PAICS: variants seen among roughly 807,000 people sequenced by gnomAD.
PAICS encodes the protein bifunctional phosphoribosylaminoimidazole carboxylase/phosphoribosylaminoimidazole succinocarboxamide synthetase.
In PAICS, 33 loss-of-function variants were observed where a neutral mutation model predicts 53.7. The observed-to-expected ratio is 0.61, with a 90% CI of 0.47 to 0.82. PAICS has a LOEUF of 0.82. PAICS is among the 40% of genes least tolerant of loss of function. The pLI is 0.00. For synonymous variants in PAICS, 141 were observed against 167.2 expected (o/e 0.84, Z 1.21); for missense variants, 394 against 494.1 (o/e 0.80, Z 1.92).
chr4:56,414,711 T>C, the PAICS span, among the ~76,000 whole-genome samples: 2 of 152,196 alleles, frequency 1.3e-5, no homozygotes, highest in African/African-American at 4.8e-5. Flanking sequence ...TGGACGTAAA[T>C]CTGGACTCTA....
chr4:56,443,803 G>C (rs192335998), intron 2 of PAICS, among the ~76,000 whole-genome samples: 3 of 152,282 alleles, frequency 2.0e-5, no homozygotes, highest in Admixed American at 1.3e-4. Flanking sequence ...ATTCTGAAGA[G>C]TCCTGTGATC....
intron 7 of PAICS, 24 bp from the exon 8 acceptor site, chr4:56,453,579 A>C: frequency 6.5e-7 from 1 of 1,546,956 alleles, no homozygotes; most frequent in South Asian, 1.2e-5. Flanking sequence ...GTTTAGCATA[A>C]TTATACTCTT....
At chr4:56,419,622 A>C in the PAICS span, 1 of 964,184 alleles carries the variant, frequency 1.0e-6, no homozygotes, top group Non-Finnish European at 1.2e-6. Context: ...AGGTATCTCT[A>C]CGTCAGTATT....
At chr4:56,444,468 T>C (rs1453878859) in intron 2 of PAICS, among the ~76,000 whole-genome samples, 1 of 152,082 alleles carries the variant, frequency 6.6e-6, no homozygotes, top group Non-Finnish European at 1.5e-5. Context: ...TCTGGACCAA[T>C]CTAAAAGAGG....
chr4:56,440,546 G>T (rs531987176), intron 1 of PAICS, among the ~76,000 whole-genome samples: 7 of 152,172 alleles, frequency 4.6e-5, no homozygotes, highest in African/African-American at 1.7e-4. Context: ...GCTCCAACCA[G>T]ACTGAAGTTC....
the PAICS span, among the ~76,000 whole-genome samples, chr4:56,429,725 C>T: frequency 3.9e-5 from 6 of 152,132 alleles, no homozygotes; most frequent in Non-Finnish European, 8.8e-5. Flanking sequence ...AAAGTAGACA[C>T]ACCAAATCCA....
the PAICS span, among the ~76,000 whole-genome samples, chr4:56,412,923 A>C: frequency 6.6e-6 from 1 of 152,232 alleles, no homozygotes; most frequent in Admixed American, 6.5e-5. Context: ...TTGCATTAAA[A>C]ATAATCTTTA....
chr4:56,455,463 C>T (rs1250211336), intron 8 of PAICS, among the ~76,000 whole-genome samples: 1 of 152,160 alleles, frequency 6.6e-6, no homozygotes, highest in Non-Finnish European at 1.5e-5. Flanking sequence ...TAGGATCCCC[C>T]TTTACCATAA....
At chr4:56,417,765 AAC>A in the PAICS span, among the ~76,000 whole-genome samples, 1 of 152,178 alleles carries the variant, frequency 6.6e-6, no homozygotes, top group East Asian at 1.9e-4. Context: ...CAGCCTGTGC[AAC>A]AGAGTCTACG....
upstream of PAICS, chr4:56,435,736 G>T (rs1403901712): frequency 1.4e-6 from 2 of 1,476,574 alleles, no homozygotes; most frequent in African/African-American, 2.8e-5. Context: ...GGTCACGGAT[G>T]CTGTAGGGTG....
At chr4:56,421,496 T>C in the PAICS span, 1 of 152,324 alleles carries the variant, frequency 6.6e-6, no homozygotes, top group African/African-American at 2.4e-5. Flanking sequence ...AGACCGCTGC[T>C]GTAGACCTAA....
Position 56,441,658 on chromosome 4 carries a change from C to T in PAICS, c.17-5C>T. ...TTTTGGTCTATTTCCATTTTATTTC[C>T]ACAGTACTGAACATTGGTAAAAAAT... On this transcript the variant is annotated splice_region_variant and splice_polypyrimidine_tract_variant and intron_variant, in intron 1 of 8. Coordinates refer to ENST00000512576, the MANE Select transcript of PAICS (RefSeq NM_001079524.2). 1.4e-6 allele frequency: 2 copies of T among 1,451,198 alleles called. No homozygotes were observed. Among genetic ancestry groups the T allele is most frequent in the Non-Finnish European group, 1.8e-6 (2 of 1,082,812 alleles). The allele number at this position is 1,451,198 out of a possible 1,614,324, so 89.9% of individuals were successfully genotyped here.
chr4:56,426,521 A>G, the PAICS span, among the ~76,000 whole-genome samples: 1 of 152,192 alleles, frequency 6.6e-6, no homozygotes, highest in African/African-American at 2.4e-5. Flanking sequence ...TATTCTGGAC[A>G]TGAGTGGTAC....
chr4:56,445,595 A>C (rs1449540740), intron 2 of PAICS, among the ~76,000 whole-genome samples: 1 of 152,122 alleles, frequency 6.6e-6, no homozygotes. Context: ...AAACCAAAAA[A>C]ACAAAAAAAC....
In PAICS at chr4:56,436,309, G is replaced by A. The variant is rs578019784; in HGVS notation, c.-4G>A. ...CGGTCGCAGCCCTCAGCCCACTTAG[G>A]ATAATGGCGACAGCTGAGGGTGAGT... On this transcript the variant is annotated 5_prime_UTR_variant, in exon 1 of 9. Coordinates refer to ENST00000512576, the MANE Select transcript of PAICS (RefSeq NM_001079524.2). The A allele has an allele frequency of 1.9e-6, 3 of 1,602,760 alleles. No homozygotes were observed. The highest frequency in any genetic ancestry group is 2.3e-5 in the East Asian group (1 of 44,230).
At chr4:56,446,655 C>T in intron 2 of PAICS, 40 bp from the exon 3 acceptor site, 1 of 1,281,856 alleles carries the variant, frequency 7.8e-7, no homozygotes, top group Non-Finnish European at 1.1e-6. Context: ...TTTTACATAT[C>T]ATTTCAATAC....
At chr4:56,439,885 A>G (rs1718249911) in intron 1 of PAICS, among the ~76,000 whole-genome samples, 1 of 152,088 alleles carries the variant, frequency 6.6e-6, no homozygotes, top group Non-Finnish European at 1.5e-5. Flanking sequence ...TTGTCTTCCT[A>G]AAGTGCTGAG....
the PAICS span, among the ~76,000 whole-genome samples, chr4:56,429,852 T>G: frequency 1.3e-5 from 2 of 152,236 alleles, no homozygotes; most frequent in Non-Finnish European, 2.9e-5. Context: ...TAGTTTGGGA[T>G]TCATACTATA....
At chr4:56,432,846 G>A, upstream of PAICS, among the ~76,000 whole-genome samples, 1 of 149,674 alleles carries the variant, frequency 6.7e-6, no homozygotes, top group African/African-American at 2.5e-5. Flanking sequence ...TCATCAAAAA[G>A]GAAAAAAACA....
Sources: allele counts gnomAD v4.1 joint callset (sites outside exome capture counted in the v4.1 genomes callset), GRCh38; gene constraint gnomAD v4.1.1; transcripts MANE v1.5; gene names NCBI Gene and HGNC (gene_info 2026-07-23, HGNC 2026-07-21).